Variants in TGFBR3 observed in about 807,000 individuals in gnomAD.
TGFBR3 encodes transforming growth factor beta receptor type 3.
In TGFBR3, 46 loss-of-function variants were observed where a neutral mutation model predicts 87.9. The observed-to-expected ratio is 0.52, with a 90% CI of 0.41 to 0.67. The LOEUF (loss-of-function observed/expected upper bound fraction) is 0.67, where lower values mean the gene tolerates loss of function less well. TGFBR3 is among the 30% of genes least tolerant of loss of function. The pLI is 0.00. For missense variants in TGFBR3, 866 were observed against 1,041.9 expected (o/e 0.83, Z 2.32); for synonymous variants, 381 against 391.6 (o/e 0.97, Z 0.32).
chr1:91,701,659 T>A (rs765575922), intron 14 of TGFBR3, among the ~76,000 whole-genome samples: 13 of 152,158 alleles, frequency 8.5e-5, no homozygotes, highest in Non-Finnish European at 1.9e-4. Flanking sequence ...TTTCTGGGGT[T>A]ATGCATGAGT....
chr1:91,691,441 C>T (rs1384930338), intron 16 of TGFBR3, among the ~76,000 whole-genome samples: 2 of 152,138 alleles, frequency 1.3e-5, no homozygotes, highest in Non-Finnish European at 2.9e-5. Context: ...AACAGCAATC[C>T]TCAGAGCTAG....
intron 2 of TGFBR3, among the ~76,000 whole-genome samples, chr1:91,799,427 G>A (rs552714243): frequency 1.9e-4 from 29 of 152,310 alleles, no homozygotes; most frequent in African/African-American, 6.7e-4. Flanking sequence ...CATATGGGCA[G>A]GTGCTCCCTC....
chr1:91,883,298 C>G (rs2101298816), intron 1 of TGFBR3, among the ~76,000 whole-genome samples: 1 of 152,236 alleles, frequency 6.6e-6, no homozygotes, highest in African/African-American at 2.4e-5. Context: ...AGCCACTGTG[C>G]CTGGCCTACA....
At chr1:91,882,432 C>T (rs1679126222) in intron 1 of TGFBR3, among the ~76,000 whole-genome samples, 1 of 151,354 alleles carries the variant, frequency 6.6e-6, no homozygotes, top group Admixed American at 6.6e-5. Context: ...CCACCACACC[C>T]AGCCAAAAAC....
chr1:91,856,225 G>A (rs1031956876), intron 2 of TGFBR3, among the ~76,000 whole-genome samples: 3 of 152,164 alleles, frequency 2.0e-5, no homozygotes, highest in Non-Finnish European at 4.4e-5. Flanking sequence ...ACCGCGCGTG[G>A]CTAATTTTGT....
intron 4 of TGFBR3, among the ~76,000 whole-genome samples, chr1:91,755,662 T>C (rs1489102526): frequency 6.6e-6 from 1 of 152,192 alleles, no homozygotes; most frequent in African/African-American, 2.4e-5. Context: ...ATTGTTAGTG[T>C]CTAAACTGAT....
intron 16 of TGFBR3, among the ~76,000 whole-genome samples, chr1:91,690,940 T>C (rs533066102): frequency 1.3e-5 from 2 of 152,118 alleles, no homozygotes; most frequent in South Asian, 4.2e-4. Flanking sequence ...AATAATCCTA[T>C]ATTAATATTC....
At chr1:91,771,895 G>A (rs1674393670) in intron 3 of TGFBR3, among the ~76,000 whole-genome samples, 1 of 151,978 alleles carries the variant, frequency 6.6e-6, no homozygotes, top group Admixed American at 6.6e-5. Flanking sequence ...GGGACAGGCA[G>A]ATACAAACAC....
intron 4 of TGFBR3, among the ~76,000 whole-genome samples, chr1:91,735,377 G>T (rs1042769810): frequency 6.6e-6 from 1 of 152,222 alleles, no homozygotes; most frequent in Non-Finnish European, 1.5e-5. Flanking sequence ...AGTCCTGCTA[G>T]CAACTGATCA....
At chr1:91,768,382 G>T (rs1571490584) in intron 3 of TGFBR3, among the ~76,000 whole-genome samples, 1 of 152,140 alleles carries the variant, frequency 6.6e-6, no homozygotes, top group East Asian at 1.9e-4. Context: ...TTAGAACCTT[G>T]TCCAGTATCT....
upstream of TGFBR3, among the ~76,000 whole-genome samples, chr1:91,889,737 C>G (rs1412565277): frequency 6.6e-6 from 1 of 152,026 alleles, no homozygotes; most frequent in Non-Finnish European, 1.5e-5. Flanking sequence ...TGCAGCAGCG[C>G]GATCTCAGCT....
intron 1 of TGFBR3, among the ~76,000 whole-genome samples, chr1:91,878,509 G>A (rs1156578114): frequency 6.6e-6 from 1 of 152,120 alleles, no homozygotes; most frequent in African/African-American, 2.4e-5. Context: ...TAGCAAAATA[G>A]TATGATACAA....
At chr1:91,904,340 G>T (rs1679798131) in intron 1 of TGFBR3, among the ~76,000 whole-genome samples, 1 of 149,300 alleles carries the variant, frequency 6.7e-6, no homozygotes, top group Non-Finnish European at 1.5e-5. Context: ...CTTAGATTTG[G>T]GTTCTACTAC....
chr1:91,800,002 C>T (rs148642616), intron 2 of TGFBR3, among the ~76,000 whole-genome samples: 11 of 151,972 alleles, frequency 7.2e-5, no homozygotes, highest in Non-Finnish European at 1.5e-4. Flanking sequence ...GCTCTAGCCA[C>T]GGGTTGGTTA....
At position 91,683,325 on chromosome 1, in the gene TGFBR3, C is replaced by T; in HGVS notation, c.*414G>A. ...TAAAGAATCTTTGGCCGCATCTCCT[C>T]ACTGGTTCTACTATCTGGCTATTAA... On this transcript the variant is annotated 3_prime_UTR_variant, in exon 17 of 17. Transcript: ENST00000212355. The T allele has an allele frequency of 2.1e-6, 1 of 466,644 alleles. No individual in the cohort carries two copies. Among genetic ancestry groups the T allele is most frequent in the Non-Finnish European group, 4.3e-6 (1 of 235,216 alleles). 28.9% of individuals were successfully genotyped at this position (466,644 alleles called of 1,614,324 possible).
intron 14 of TGFBR3, among the ~76,000 whole-genome samples, chr1:91,707,643 G>GC (rs1671838701): frequency 6.6e-6 from 1 of 152,192 alleles, no homozygotes; most frequent in Admixed American, 6.5e-5. Flanking sequence ...GCTCCTCTGT[G>GC]CCCCTCAGAG....
At chr1:91,876,624 C>G (rs1247789132) in intron 1 of TGFBR3, among the ~76,000 whole-genome samples, 1 of 152,126 alleles carries the variant, frequency 6.6e-6, no homozygotes, top group African/African-American at 2.4e-5. Context: ...GAGCCCATAA[C>G]CTGGGACCAT....
chr1:91,779,491 G>C (rs933208138), intron 3 of TGFBR3, among the ~76,000 whole-genome samples: 1 of 152,236 alleles, frequency 6.6e-6, no homozygotes, highest in East Asian at 1.9e-4. Flanking sequence ...ATGGGCCAGA[G>C]GCCCACTGCC....
intron 2 of TGFBR3, among the ~76,000 whole-genome samples, chr1:91,817,514 T>C (rs1355377298): frequency 6.6e-6 from 1 of 152,234 alleles, no homozygotes; most frequent in Non-Finnish European, 1.5e-5. Context: ...TTGTTTGTTT[T>C]CAAATTCTGC....
Sources: gnomAD v4.1 joint callset for allele counts (sites outside exome capture counted in the v4.1 genomes callset) on GRCh38, gnomAD v4.1.1 for gene constraint, MANE v1.5 for transcripts, NCBI Gene and HGNC (gene_info 2026-07-23, HGNC 2026-07-21) for gene names.